DSCAML1: variants seen among roughly 807,000 people sequenced by gnomAD.
The protein encoded by DSCAML1 is cell adhesion molecule DSCAML1.
Under a neutral mutation model 200.5 loss-of-function variants are expected in DSCAML1, and 38 were observed. The ratio of observed to expected loss-of-function variants is 0.19; its 90% CI spans 0.15 to 0.25. The LOEUF is 0.25. Among genes scored for constraint, DSCAML1 ranks in the 10% least tolerant of loss-of-function variants. The pLI, the probability that DSCAML1 is intolerant of heterozygous loss-of-function variation, is 1.00. For missense variants in DSCAML1, 2,223 were observed against 2,858.8 expected (o/e 0.78, Z 5.07); for synonymous variants, 1,215 against 1,165.0 (o/e 1.04, Z -0.87).
intron 4 of DSCAML1, among the ~76,000 whole-genome samples, chr11:117,531,849 G>A (rs2050081008): frequency 6.7e-6 from 1 of 150,198 alleles, no homozygotes; most frequent in Non-Finnish European, 1.5e-5. Flanking sequence ...TCATGCCATT[G>A]CACTCCAGCC....
At chr11:117,556,079 C>T (rs993994830) in intron 3 of DSCAML1, among the ~76,000 whole-genome samples, 1 of 152,110 alleles carries the variant, frequency 6.6e-6, no homozygotes, top group Non-Finnish European at 1.5e-5. Flanking sequence ...CCTCTGTGCC[C>T]CAGTTTCCAC....
intron 19 of DSCAML1, among the ~76,000 whole-genome samples, chr11:117,457,745 C>T (rs2048400026): frequency 6.6e-6 from 1 of 152,218 alleles, no homozygotes; most frequent in Non-Finnish European, 1.5e-5. Context: ...TCCCCCACCA[C>T]TCCCAGCCGA....
rs1272931015 is a variant in DSCAML1, at chr11:117,428,454, T to C, written c.6036A>G (p.Arg2012=). ...CCATTTTGGTGTGTGGGCCCCCGGC[T>C]CGTGGAGGCTCGGTGCTGGGGGCCG... ...APPAPSTEPP[R]AGGPHTKMGG... Residue 2012 remains arginine (R), a synonymous_variant, in exon 33 of 33, where the codon CGA becomes CGG. Transcript: ENST00000651296. The C allele has an allele frequency of 5.9e-6, 9 of 1,530,570 alleles. No individual in the cohort carries two copies. The Admixed American group carries it at 1.5e-4, about 26-fold the overall frequency. The allele number at this position is 1,530,570 out of a possible 1,614,324, so 94.8% of individuals were successfully genotyped here. A position where few individuals can be genotyped will look rare whatever the true frequency, so the allele number is the denominator to read the frequency against.
rs778693160 is a variant in DSCAML1, at chr11:117,477,390, G to GTGTGTA, written c.2785+3052_2785+3053insTACACA. Among the ~76,000 whole-genome samples, 404 of 131,798 alleles carry GTGTGTA rather than the reference G, an allele frequency of 3.1e-3. 1 individual carries two copies. The highest frequency in any genetic ancestry group is 3.7e-3 in the South Asian group (15 of 4,062). The allele number at this position is 131,798 out of a possible 152,430, so 86.5% of individuals were successfully genotyped here. ...TGTGTGTGTGTGTGTGTGTGTGTGT[G>GTGTGTA]TATGTGTGTGTGTATGTGTATATTC... On this transcript the variant is annotated intron_variant, in intron 14 of 32. Coordinates refer to ENST00000651296, the MANE Select transcript of DSCAML1 (RefSeq NM_020693.4).
rs1362588727 is a variant in DSCAML1, at chr11:117,461,560, G to A, written c.3302C>T (p.Ser1101Phe). ...SQPPENVRAL[S>F]ITSDVAVISW... ...GATGACGGCCACGTCAGAAGTGATG[G>A]ACAGGGCCCGGACGTTCTCAGGGGG... is the stretch of plus-strand genomic sequence containing the variant. Residue 1101 changes from serine to phenylalanine, a missense_variant, in exon 18 of 33, where the codon TCC (serine) becomes TTC (phenylalanine). Coordinates refer to ENST00000651296, the MANE Select transcript of DSCAML1 (RefSeq NM_020693.4). 1.9e-6 allele frequency: 3 copies of A among 1,614,010 alleles called. No individual in the cohort carries two copies. Among genetic ancestry groups the A allele is most frequent in the Non-Finnish European group, 2.5e-6 (3 of 1,180,042 alleles).
In DSCAML1 at chr11:117,437,078, C is replaced by T; in HGVS notation, c.4720+44G>A. On this transcript the variant is annotated intron_variant, in intron 26 of 32. Coordinates refer to ENST00000651296, the MANE Select transcript of DSCAML1 (RefSeq NM_020693.4). The surrounding 1 kb of genome is among the most constrained non-coding windows in gnomAD (Gnocchi z 5.3). ...ACTCTGCCCACTTCCTTCGCACCAC[C>T]CTGCTCCAGCCTCTGTACCATCCCT... 6.3e-7 allele frequency: 1 copy of T among 1,580,552 alleles called. No individual in the cohort carries two copies. Among genetic ancestry groups the T allele is most frequent in the Non-Finnish European group, 8.6e-7 (1 of 1,161,204 alleles).
intron 3 of DSCAML1, among the ~76,000 whole-genome samples, chr11:117,701,808 C>T (rs2053672267): frequency 6.6e-6 from 1 of 152,202 alleles, no homozygotes. Flanking sequence ...TCCTACTACC[C>T]TCAGGCCTGG....
At position 117,535,237 on chromosome 11, in the gene DSCAML1, G is replaced by A. The variant is rs1218332141; in HGVS notation, c.512-2715C>T. 3.9e-5 allele frequency among the ~76,000 whole-genome samples: 6 copies of A among 152,312 alleles called. No individual in the cohort carries two copies. The East Asian group carries it at 1.2e-3, about 29-fold the overall frequency. The stretch of plus-strand genomic sequence containing the variant: ...TCCTTGCAGTCAACTAAAGACCCTG[G>A]CCCTGTCTCTGTGAGCTGCTGCCAT... On this transcript the variant is annotated intron_variant, in intron 3 of 32. Transcript: ENST00000651296.
At chr11:117,816,630 C>A (rs2055810042) in intron 1 of DSCAML1, among the ~76,000 whole-genome samples, 1 of 152,190 alleles carries the variant, frequency 6.6e-6, no homozygotes, top group East Asian at 1.9e-4. Flanking sequence ...GCTACACCAC[C>A]CCCTGCCCTG....
chr11:117,578,236 G>GAAAAAAAAA (rs59533726), intron 3 of DSCAML1, among the ~76,000 whole-genome samples: 18 of 101,388 alleles, frequency 1.8e-4, no homozygotes, highest in Non-Finnish European at 2.7e-4. Context: ...ACTCTGTCTC[G>GAAAAAAAAA]AAAAAAAAAA....
intron 3 of DSCAML1, among the ~76,000 whole-genome samples, chr11:117,702,208 C>CA (rs1288313357): frequency 6.6e-6 from 1 of 152,208 alleles, no homozygotes; most frequent in African/African-American, 2.4e-5. Flanking sequence ...CAACGGCCCA[C>CA]ATTGCTTTTA....
rs613244 is a variant in DSCAML1, at chr11:117,642,439, A to G, written c.512-109917T>C. 0.72 allele frequency among the ~76,000 whole-genome samples: 108,814 copies of G among 152,114 alleles called. 39,172 individuals are homozygous for G. The highest frequency in any genetic ancestry group is 0.79 in the Admixed American group (12,070 of 15,298). On this transcript the variant is annotated intron_variant, in intron 3 of 32. Transcript: ENST00000651296. The surrounding 1 kb of genome is among the most constrained non-coding windows in gnomAD (Gnocchi z 4.1). ...TCACAGTCTGGAGGCACAGTCTGGA[A>G]GACAAATAAGGGGAACTGTCAGGCC...
Position 117,504,103 on chromosome 11 carries a change from C to T in DSCAML1, c.2183-82G>A, listed in dbSNP as rs868356010. Reference sequence around the variant, plus strand: ...TGCCCCAGGAGTGGCCCTGACACCTCGCTCTTGCAGATCTAGGGCCATTTT... The same window carrying T: ...TGCCCCAGGAGTGGCCCTGACACCTTGCTCTTGCAGATCTAGGGCCATTTT... On this transcript the variant is annotated intron_variant, in intron 10 of 32. Transcript: ENST00000651296. This position sits in a 1 kb window ranked among gnomAD's most constrained non-coding sequence, Gnocchi z 5.0. The T allele has an allele frequency of 4.6e-5, 69 of 1,502,336 alleles. No homozygotes were observed. Among genetic ancestry groups the T allele is most frequent in the South Asian group, 2.4e-4 (19 of 79,980 alleles). 93.1% of individuals were successfully genotyped at this position (1,502,336 alleles called of 1,614,324 possible).
intron 3 of DSCAML1, among the ~76,000 whole-genome samples, chr11:117,608,355 A>G (rs1330976014): frequency 6.6e-6 from 1 of 152,204 alleles, no homozygotes; most frequent in South Asian, 2.1e-4. Context: ...ATGGAAACAT[A>G]TTGAAAATTA....
rs1271370802 is a variant in DSCAML1 at position 117,429,186 on chromosome 11, G to A, written c.5687-383C>T. 2.0e-5 allele frequency among the ~76,000 whole-genome samples: 3 copies of A among 152,192 alleles called. 1 individual carries two copies. Among genetic ancestry groups the A allele is most frequent in the South Asian group, 4.1e-4 (2 of 4,828 alleles). On this transcript the variant is annotated intron_variant, in intron 32 of 32. Coordinates refer to ENST00000651296, the MANE Select transcript of DSCAML1 (RefSeq NM_020693.4). ...GCTCACTACTGCTAAGGACGAGGAT[G>A]TCCTAATGGCTCTGGCTGGTGGAAA...
intron 3 of DSCAML1, among the ~76,000 whole-genome samples, chr11:117,705,861 C>T (rs1334267842): frequency 2.6e-5 from 4 of 152,148 alleles, no homozygotes; most frequent in Non-Finnish European, 5.9e-5. Context: ...CTTGGAGCCT[C>T]AATTTTCTCA....
chr11:117,657,677 T>C (rs1188763104), intron 3 of DSCAML1, among the ~76,000 whole-genome samples: 1 of 152,146 alleles, frequency 6.6e-6, no homozygotes, highest in Admixed American at 6.5e-5. Context: ...ACAGCCCAAA[T>C]TCTCCCTTTT....
chr11:117,589,643 T>C (rs1425361905), intron 3 of DSCAML1, among the ~76,000 whole-genome samples: 1 of 152,234 alleles, frequency 6.6e-6, no homozygotes, highest in Non-Finnish European at 1.5e-5. Flanking sequence ...CATTAAGAAC[T>C]AACCAGAGCG....
upstream of DSCAML1, among the ~76,000 whole-genome samples, chr11:117,800,042 A>G (rs1274822568): frequency 6.6e-6 from 1 of 152,224 alleles, no homozygotes; most frequent in African/African-American, 2.4e-5. Context: ...GAGGCGGAAG[A>G]GCCTGGAGAG....
Sources: gnomAD v4.1 joint callset for allele counts (sites outside exome capture counted in the v4.1 genomes callset) on GRCh38, gnomAD v4.1.1 for gene constraint, Gnocchi (gnomAD v3.1) non-coding constraint, MANE v1.5 for transcripts, NCBI Gene and HGNC (gene_info 2026-07-23, HGNC 2026-07-21) for gene names.